COL6A1: variants seen among roughly 807,000 people sequenced by gnomAD.
COL6A1 encodes collagen type VI alpha 1 chain.
Under a neutral mutation model 145.6 loss-of-function variants are expected in COL6A1, and 80 were observed. The ratio of observed to expected loss-of-function variants is 0.55; its 90% CI spans 0.46 to 0.66. COL6A1 has a LOEUF of 0.66. Among genes scored for constraint, COL6A1 ranks in the 30% least tolerant of loss-of-function variants. The pLI, the probability that COL6A1 is intolerant of heterozygous loss-of-function variation, is 0.00. For synonymous variants in COL6A1, 638 were observed against 622.8 expected (o/e 1.02, Z -0.36); for missense variants, 1,364 against 1,473.8 (o/e 0.93, Z 1.22).
chr21:45,986,255 AGGGCACCCC>A (rs1204351822), intron 3 of COL6A1, among the ~76,000 whole-genome samples: 2 of 152,144 alleles, frequency 1.3e-5, no homozygotes, highest in Non-Finnish European at 2.9e-5. Flanking sequence ...TTTGCGCCCC[AGGGCACCCC>A]AGGAACCGAG....
At chr21:45,982,876 G>A (rs910167808) in intron 2 of COL6A1, 113 bp downstream of exon 2, 1 of 1,483,076 alleles carries the variant, frequency 6.7e-7, no homozygotes, top group Non-Finnish European at 9.2e-7. Context: ...GGTTGGGCGA[G>A]CGTTGCCCTG....
rs2077740151 is a variant in COL6A1, at chr21:45,986,599, C to G, written c.502C>G (p.Pro168Ala). The G allele has an allele frequency of 6.4e-7, 1 of 1,561,578 alleles. No homozygotes were observed. The highest frequency in any genetic ancestry group is 1.2e-5 in the South Asian group (1 of 84,726). The change falls in exon 4 of 35, where the codon CCC becomes GCC. Residue 168 changes from proline to alanine, a missense_variant. This residue lies in a region of COL6A1 where 414 missense variants were observed against 437.6 expected (regional missense o/e 0.95). Transcript: ENST00000361866. ...DGHPLEGYKE[P>A]CGGLEDAVNE... The stretch of plus-strand genomic sequence containing the variant: ...GCACCCCCTGGAGGGCTACAAGGAA[C>G]CCTGTGGGGGGCTGGAGGATGCTGT...
Position 45,994,665 on chromosome 21 carries a change from T to C in COL6A1, c.1398+436T>C, listed in dbSNP as rs909244585. On this transcript the variant is annotated intron_variant, in intron 20 of 34. Coordinates refer to ENST00000361866, the MANE Select transcript of COL6A1 (RefSeq NM_001848.3). The surrounding 1 kb of genome is among the most constrained non-coding windows in gnomAD (Gnocchi z 6.8). ...TATGGAGGTTTCCAGAATCCCAGGG[T>C]GTCAGGATGAAAATGCACTTTCATC... Among the ~76,000 whole-genome samples, 1 of 151,956 alleles carries C rather than the reference T, an allele frequency of 6.6e-6. No individual in the cohort carries two copies. The highest frequency in any genetic ancestry group is 1.5e-5 in the Non-Finnish European group (1 of 67,970).
rs769258891 is a variant in COL6A1 at position 45,982,642 on chromosome 21, G to T, written c.106G>T (p.Val36Leu). The T allele has an allele frequency of 1.2e-6, 2 of 1,612,858 alleles. No individual in the cohort carries two copies. The highest frequency in any genetic ancestry group is 2.2e-5 in the East Asian group (1 of 44,876). The part of the protein sequence containing the change: ...PRAVAFQDCP[V>L]DLFFVLDTSE... The stretch of plus-strand genomic sequence containing the variant: ...CCTCCATCTTCGGCCAGACTGCCCC[G>T]TGGACCTGTTCTTTGTGCTGGACAC... The change falls in exon 2 of 35, where the codon GTG becomes TTG. Residue 36 changes from valine (V) to leucine (L), a missense_variant. This residue lies in a region of COL6A1 where 414 missense variants were observed against 437.6 expected (regional missense o/e 0.95). Transcript: ENST00000361866.
At chr21:46,000,019 TGGGGGACCCGTGTGAGGATCATG>T (rs2077833468) in intron 27 of COL6A1, among the ~76,000 whole-genome samples, 103 of 24,772 alleles carry the variant, frequency 4.2e-3, no homozygotes, top group African/African-American at 4.6e-3. Flanking sequence ...GTGAGGATCA[TGGGGGACCCGTGTGAGGATCATG>T]GGGGGGGACG....
Position 46,003,940 on chromosome 21 carries a change from G to A in COL6A1, c.3014G>A (p.Arg1005His), listed in dbSNP as rs376999117. The change falls in exon 35 of 35, where the codon CGT becomes CAT. Residue 1005 changes from arginine (R) to histidine (H), a missense_variant. Physicochemically the swap from Arg to His is conservative, Grantham distance 29. Around this residue, in one of 3 missense-constraint regions of COL6A1, gnomAD observed 938 missense variants for 1,003.8 expected, o/e 0.93. Transcript: ENST00000361866. ...GCCTACGGCGAGAGCCACCTGTTCC[G>A]TGTCCCCAGCTACCAGGCCCTGCTC... ...DVAYGESHLF[R>H]VPSYQALLRG... 31 of 1,611,862 alleles carry A rather than the reference G, an allele frequency of 1.9e-5. No individual in the cohort carries two copies. Among genetic ancestry groups the A allele is most frequent in the Middle Eastern group, 1.7e-4 (1 of 6,056 alleles).
Position 45,994,735 on chromosome 21 carries a change from G to A in COL6A1, c.1398+506G>A, listed in dbSNP as rs1001020201. On this transcript the variant is annotated intron_variant, in intron 20 of 34. Transcript: ENST00000361866. This position sits in a 1 kb window ranked among gnomAD's most constrained non-coding sequence, Gnocchi z 6.8. ...CCGAGCCTCTGGAATCGCTGTGCAC[G>A]CCGCACGGCTTTCTGTCTCTTCCCC... 3.3e-5 allele frequency among the ~76,000 whole-genome samples: 5 copies of A among 152,166 alleles called. No individual in the cohort carries two copies. Among genetic ancestry groups the A allele is most frequent in the Admixed American group, 1.3e-4 (2 of 15,280 alleles).
chr21:46,001,284 C>T lies in COL6A1; in HGVS notation c.1854C>T (p.Phe618=), dbSNP rs372069776. 3.7e-5 allele frequency: 59 copies of T among 1,611,384 alleles called. No homozygotes were observed. Among genetic ancestry groups the T allele is most frequent in the Admixed American group, 8.3e-5 (5 of 60,006 alleles). Residue 618 remains phenylalanine, a synonymous_variant, in exon 30 of 35, where the codon TTC becomes TTT. Coordinates refer to ENST00000361866, the MANE Select transcript of COL6A1 (RefSeq NM_001848.3). ...AGTGCGGCCCCATCGACCTCCTGTT[C>T]GTGCTGGACAGCTCAGAGAGCATTG... ...ECKCGPIDLL[F]VLDSSESIGL... is the part of the protein sequence containing the mutation.
rs146559275 is a variant in COL6A1 at position 45,990,624 on chromosome 21, C to T, written c.1003-149C>T. On this transcript the variant is annotated intron_variant, in intron 13 of 34. Coordinates refer to ENST00000361866, the MANE Select transcript of COL6A1 (RefSeq NM_001848.3). ...GAGGGACAGGGAGGAGTGGGGTGGA[C>T]GGTGTGAAGGTGACCCCAGGGGGGT... 3,543 of 515,054 alleles carry T rather than the reference C, an allele frequency of 6.9e-3. 56 individuals carry two copies. The highest frequency in any genetic ancestry group is 0.034 in the African/African-American group (1,226 of 36,482). The allele number at this position is 515,054 out of a possible 1,614,324, so 31.9% of individuals were successfully genotyped here.
chr21:46,001,147 G>A, intron 29 of COL6A1, 106 bp from the exon 30 acceptor site: 1 of 1,475,788 alleles, frequency 6.8e-7, no homozygotes. Context: ...ACCCCAACGT[G>A]TCAGGTGAGG....
intron 10 of COL6A1, 31 bp downstream of exon 10, chr21:45,989,683 C>G (rs200848483): frequency 9.3e-6 from 15 of 1,613,022 alleles, no homozygotes; most frequent in Non-Finnish European, 1.3e-5. Flanking sequence ...GGCCCGAGCC[C>G]GGTGGTGCCC....
At chr21:45,991,163 G>A in intron 15 of COL6A1, 122 bp downstream of exon 15, 3 of 1,084,692 alleles carry the variant, frequency 2.8e-6, no homozygotes, top group East Asian at 5.0e-5. Flanking sequence ...GGCCTCAGAG[G>A]GGAGGAGCTG....
intron 19 of COL6A1, among the ~76,000 whole-genome samples, chr21:45,993,838 C>A (rs901028325): frequency 1.3e-5 from 2 of 152,230 alleles, no homozygotes; most frequent in Non-Finnish European, 2.9e-5. Flanking sequence ...GCAGCTCCAG[C>A]TTCCCGGCGG....
chr21:45,992,925 A>C (rs1182815481), intron 19 of COL6A1, 115 bp downstream of exon 19: 5 of 954,932 alleles, frequency 5.2e-6, no homozygotes, highest in Non-Finnish European at 8.0e-6. Context: ...TGGCCCCTCA[A>C]CGTGGCCAGC....
intron 3 of COL6A1, among the ~76,000 whole-genome samples, chr21:45,984,883 GAGAC>G (rs1053676070): frequency 1.3e-5 from 2 of 151,434 alleles, no homozygotes; most frequent in Non-Finnish European, 2.9e-5. Context: ...CAGAGGGACA[GAGAC>G]AGGCAGAGAG....
At position 45,997,423 on chromosome 21, in the gene COL6A1, C is replaced by A. The variant is rs774598083; in HGVS notation, c.1401C>A (p.Gly467=). Residue 467 remains glycine (G), a splice_region_variant and synonymous_variant, in exon 21 of 35, where the codon GGC becomes GGA. Transcript: ENST00000361866. ...EGPVGVPGDP[G]EAGPIGPKGY... is the part of the protein sequence containing the mutation. Reference sequence around the variant, plus strand: ...GTGCCATATCCATCTCTCTACAGGGCGAGGCTGGCCCTATCGGACCTAAAG... The same window carrying A: ...GTGCCATATCCATCTCTCTACAGGGAGAGGCTGGCCCTATCGGACCTAAAG... 1 of 1,612,866 alleles carries A rather than the reference C, an allele frequency of 6.2e-7. No individual in the cohort carries two copies. Among genetic ancestry groups the A allele is most frequent in the Admixed American group, 1.7e-5 (1 of 60,002 alleles).
chr21:46,001,117 T>C lies in COL6A1; in HGVS notation c.1823-136T>C, dbSNP rs2077842106. 3.1e-6 allele frequency: 4 copies of C among 1,278,342 alleles called. No homozygotes were observed. In the Admixed American group the frequency reaches 8.4e-5, roughly 27 times the overall value. The allele number at this position is 1,278,342 out of a possible 1,614,324, so 79.2% of individuals were successfully genotyped here. ...GGGGCCATGGGAGGGGGTGGGCTTT[T>C]CTGGGGCTGAGACGGGGGGACCCCA... On this transcript the variant is annotated intron_variant, in intron 29 of 34. Coordinates refer to ENST00000361866, the MANE Select transcript of COL6A1 (RefSeq NM_001848.3).
chr21:46,004,030 G>T lies in COL6A1; in HGVS notation c.*17G>T. Reference sequence around the variant, plus strand: ...CTGGGCTAGCCCACCCTGCACGCCGGCACCAAACCCTGTCCTCCCACCCCT... The same window carrying T: ...CTGGGCTAGCCCACCCTGCACGCCGTCACCAAACCCTGTCCTCCCACCCCT... On this transcript the variant is annotated 3_prime_UTR_variant, in exon 35 of 35. Transcript: ENST00000361866. 6.2e-7 allele frequency: 1 copy of T among 1,612,916 alleles called. No individual in the cohort carries two copies. Among genetic ancestry groups the T allele is most frequent in the East Asian group, 2.2e-5 (1 of 44,874 alleles).
In COL6A1 at chr21:45,987,044, A is replaced by C; in HGVS notation, c.689A>C (p.Gln230Pro). The C allele has an allele frequency of 6.4e-7, 1 of 1,553,446 alleles. No individual in the cohort carries two copies. The highest frequency in any genetic ancestry group is 1.2e-5 in the South Asian group (1 of 84,376). Residue 230 changes from glutamine (Q) to proline (P), a missense_variant, in exon 5 of 35, where the codon CAG (glutamine) becomes CCG (proline). Physicochemically the swap from Gln to Pro is moderately conservative, Grantham distance 76. Transcript: ENST00000361866. ...QSRDAEEAIS[Q>P]TIDTIVDMIK... ...CGCGACGCAGAGGAGGCCATCAGCC[A>C]GACCATCGACACCATCGTGGACATG...
Sources: gnomAD v4.1 joint callset for allele counts (sites outside exome capture counted in the v4.1 genomes callset) on GRCh38, gnomAD v4.1.1 for gene constraint, gnomAD v4.1.1 regional missense constraint, Gnocchi (gnomAD v3.1) non-coding constraint, MANE v1.5 for transcripts, NCBI Gene and HGNC (gene_info 2026-07-23, HGNC 2026-07-21) for gene names.